Variants in VSTM4 observed in about 807,000 individuals in gnomAD.
VSTM4 encodes the protein V-set and transmembrane domain containing 4.
A neutral mutation model predicts 36.4 loss-of-function variants in VSTM4; 20 were observed. The ratio of observed to expected loss-of-function variants is 0.55; its 90% CI spans 0.39 to 0.80. The LOEUF (loss-of-function observed/expected upper bound fraction) is 0.80. VSTM4 is among the 30% of genes least tolerant of loss of function. The probability of loss-of-function intolerance (pLI) is 0.00; values close to 1 mark genes in which losing one functional copy is unlikely to be tolerated. For missense variants in VSTM4, 392 were observed against 404.5 expected, an observed-to-expected ratio of 0.97 and a Z score of 0.26; for synonymous variants, 182 against 173.9, an observed-to-expected ratio of 1.05 and a Z score of -0.37.
intron 7 of VSTM4, among the ~76,000 whole-genome samples, chr10:49,045,898 T>G (rs1263324796): frequency 2.0e-5 from 3 of 152,132 alleles, no homozygotes; most frequent in Non-Finnish European, 4.4e-5. Flanking sequence ...AAATGTTATC[T>G]CAAATTGTAA....
intron 2 of VSTM4, among the ~76,000 whole-genome samples, chr10:49,095,009 A>G (rs1378185379): frequency 6.6e-6 from 1 of 152,180 alleles, no homozygotes; most frequent in African/African-American, 2.4e-5. Context: ...TGTCTAGCTT[A>G]TGCCGCCCTT....
chr10:49,044,544 GGAA>G (rs1371090639), intron 7 of VSTM4, among the ~76,000 whole-genome samples: 1 of 149,980 alleles, frequency 6.7e-6, no homozygotes, highest in East Asian at 2.0e-4. Flanking sequence ...AAGAAAGAAA[GGAA>G]GAAAGGAAGG....
intron 7 of VSTM4, among the ~76,000 whole-genome samples, chr10:49,032,755 C>A (rs575270836): frequency 1.4e-4 from 22 of 152,262 alleles, no homozygotes; most frequent in African/African-American, 5.3e-4. Flanking sequence ...CACGACAACA[C>A]TCTAGCAAGA....
At chr10:49,041,640 T>C (rs1453688080) in intron 7 of VSTM4, among the ~76,000 whole-genome samples, 6 of 152,164 alleles carry the variant, frequency 3.9e-5, no homozygotes, top group South Asian at 2.1e-4. Flanking sequence ...ACCCAAGAGG[T>C]GCACAAAAGA....
At chr10:49,029,054 A>T (rs1019861298) in intron 7 of VSTM4, among the ~76,000 whole-genome samples, 1 of 152,200 alleles carries the variant, frequency 6.6e-6, no homozygotes, top group African/African-American at 2.4e-5. Context: ...CACTGCACAT[A>T]CAACTATAGC....
At chr10:49,109,872 T>G (rs1844860921) in intron 1 of VSTM4, among the ~76,000 whole-genome samples, 2 of 152,228 alleles carry the variant, frequency 1.3e-5, no homozygotes, top group Non-Finnish European at 2.9e-5. Context: ...CAATTCCCCC[T>G]GCATCTCGCC....
chr10:49,049,756 T>A (rs1590086506), intron 5 of VSTM4, among the ~76,000 whole-genome samples: 1 of 10,168 alleles, frequency 9.8e-5, no homozygotes, highest in Non-Finnish European at 2.4e-3. Context: ...TACTGACTTC[T>A]TTTTTTTTTT....
intron 3 of VSTM4, among the ~76,000 whole-genome samples, chr10:49,085,325 C>G (rs1844351143): frequency 6.6e-6 from 1 of 152,240 alleles, no homozygotes. Flanking sequence ...ATCAGAATCT[C>G]TAGAGATGTG....
intron 4 of VSTM4, among the ~76,000 whole-genome samples, chr10:49,066,553 T>G (rs12254676): frequency 6.6e-6 from 1 of 152,146 alleles, no homozygotes; most frequent in East Asian, 1.9e-4. Flanking sequence ...CTGTTTATAT[T>G]GAAGTATTTC....
intron 5 of VSTM4, among the ~76,000 whole-genome samples, chr10:49,058,355 T>C (rs1336529087): frequency 2.0e-5 from 3 of 152,214 alleles, no homozygotes; most frequent in African/African-American, 7.2e-5. Context: ...CATTGCAGAA[T>C]GGACTGCATC....
Position 49,086,444 on chromosome 10 carries a change from T to C in VSTM4, c.458-421A>G, listed in dbSNP as rs537640491. Among the ~76,000 whole-genome samples, 224 of 152,344 alleles carry C rather than the reference T, an allele frequency of 1.5e-3. 1 individual carries two copies. The highest frequency in any genetic ancestry group is 5.3e-3 in the African/African-American group (222 of 41,580). ...ATCAGATGACTCAAGGTTAGTGCTCTGAGCACCATTCTCCATGCAAGACAG... is the reference window on the plus strand; with the variant it reads ...ATCAGATGACTCAAGGTTAGTGCTCCGAGCACCATTCTCCATGCAAGACAG... On this transcript the variant is annotated intron_variant, in intron 2 of 7. Transcript: ENST00000332853.
intron 2 of VSTM4, among the ~76,000 whole-genome samples, chr10:49,089,854 C>A (rs1189592804): frequency 6.6e-6 from 1 of 152,194 alleles, no homozygotes; most frequent in African/African-American, 2.4e-5. Flanking sequence ...GGTCTGAGTC[C>A]ACAGACTATG....
At chr10:49,100,796 G>GAC (rs10678585) in intron 2 of VSTM4, among the ~76,000 whole-genome samples, 42,454 of 151,776 alleles carry the variant, frequency 0.28, 7,032 homozygotes, top group African/African-American at 0.46. Context: ...GAATAGCTAA[G>GAC]AATTTAAAAA....
chr10:49,067,716 G>A (rs1288515998), intron 4 of VSTM4, among the ~76,000 whole-genome samples: 1 of 152,174 alleles, frequency 6.6e-6, no homozygotes, highest in Non-Finnish European at 1.5e-5. Context: ...AATTTCTGTT[G>A]TTAAAGCCAT....
At chr10:49,111,966 A>C (rs1395727374) in intron 1 of VSTM4, among the ~76,000 whole-genome samples, 3 of 152,212 alleles carry the variant, frequency 2.0e-5, no homozygotes, top group Non-Finnish European at 4.4e-5. Context: ...ATAAAGTTCA[A>C]GGCAGCAACA....
intron 3 of VSTM4, among the ~76,000 whole-genome samples, chr10:49,084,521 G>C (rs1312538922): frequency 1.3e-5 from 2 of 152,214 alleles, no homozygotes; most frequent in African/African-American, 4.8e-5. Context: ...TGGAAGGGGT[G>C]AGCTTGAAAG....
intron 5 of VSTM4, among the ~76,000 whole-genome samples, chr10:49,059,741 C>T (rs190518269): frequency 6.6e-5 from 10 of 152,244 alleles, no homozygotes; most frequent in South Asian, 6.2e-4. Context: ...GCATAGTTGA[C>T]GTACCATAAA....
intron 4 of VSTM4, among the ~76,000 whole-genome samples, chr10:49,067,115 C>A (rs2131980649): frequency 6.6e-6 from 1 of 152,268 alleles, no homozygotes; most frequent in African/African-American, 2.4e-5. Flanking sequence ...TGGATCTAAT[C>A]ATTTCATTTT....
At chr10:49,048,243 C>T (rs1488215323) in intron 6 of VSTM4, among the ~76,000 whole-genome samples, 1 of 152,202 alleles carries the variant, frequency 6.6e-6, no homozygotes, top group Non-Finnish European at 1.5e-5. Context: ...CTATGCTAGG[C>T]CCTTGCTTCC....
Sources: gnomAD v4.1 joint callset for allele counts (sites outside exome capture counted in the v4.1 genomes callset) on GRCh38, gnomAD v4.1.1 for gene constraint, MANE v1.5 for transcripts, NCBI Gene and HGNC (gene_info 2026-07-23, HGNC 2026-07-21) for gene names.